Variants in PTH2R observed in about 807,000 individuals in gnomAD.
PTH2R encodes PTH2 receptor.
PTH2R carries 59 observed loss-of-function variants against 60.3 expected under a neutral mutation model. That is an observed-to-expected ratio of 0.98 (90% CI 0.79 to 1.22). The LOEUF is 1.22. Ranked by LOEUF, PTH2R falls within the 50% of genes most tolerant of loss-of-function variation. PTH2R has a pLI of 0.00. For synonymous variants in PTH2R, 256 were observed against 243.8 expected, an observed-to-expected ratio of 1.05 and a Z score of -0.47; for missense variants, 749 against 682.6, an observed-to-expected ratio of 1.10 and a Z score of -1.08.
intron 1 of PTH2R, among the ~76,000 whole-genome samples, chr2:208,394,917 C>T (rs146064431): frequency 5.4e-4 from 82 of 152,264 alleles, no homozygotes; most frequent in African/African-American, 1.9e-3. Context: ...AACGCAGGAA[C>T]TGAATGGCCA....
At chr2:208,404,845 C>A (rs539713028), upstream of PTH2R, among the ~76,000 whole-genome samples, 3 of 152,274 alleles carry the variant, frequency 2.0e-5, no homozygotes, top group Admixed American at 6.5e-5. Context: ...CAGGACTGAG[C>A]TTCAGAGGGC....
intron 1 of PTH2R, among the ~76,000 whole-genome samples, chr2:208,416,229 G>A (rs1342128771): frequency 6.6e-6 from 1 of 152,120 alleles, no homozygotes; most frequent in Non-Finnish European, 1.5e-5. Flanking sequence ...GCTAAGACGT[G>A]TTAAAAATGA....
chr2:208,360,521 G>T (rs1323828216), intron 1 of PTH2R: 1 of 157,444 alleles, frequency 6.4e-6, no homozygotes, highest in East Asian at 1.9e-4. Flanking sequence ...CGCTCCCGGG[G>T]CCCTGCCGCC....
At chr2:208,481,904 C>T (rs928605357) in intron 10 of PTH2R, among the ~76,000 whole-genome samples, 1 of 152,176 alleles carries the variant, frequency 6.6e-6, no homozygotes, top group Non-Finnish European at 1.5e-5. Flanking sequence ...TTCAGCCTTT[C>T]ATGAAGAAAA....
intron 7 of PTH2R, 64 bp downstream of exon 7, chr2:208,444,951 C>T: frequency 6.8e-7 from 1 of 1,479,564 alleles, no homozygotes; most frequent in Non-Finnish European, 9.2e-7. Context: ...TTCTGTCATG[C>T]CCATCATTAG....
upstream of PTH2R, among the ~76,000 whole-genome samples, chr2:208,402,954 G>C (rs900307073): frequency 6.6e-6 from 1 of 152,150 alleles, no homozygotes; most frequent in Admixed American, 6.5e-5. Flanking sequence ...ACTGGCTGCC[G>C]TGTGTCCTTC....
intron 9 of PTH2R, among the ~76,000 whole-genome samples, chr2:208,470,940 C>A (rs1056973149): frequency 1.3e-5 from 2 of 152,084 alleles, no homozygotes; most frequent in African/African-American, 2.4e-5. Flanking sequence ...AGGTGAGGAA[C>A]TTTTTGGGAA....
chr2:208,360,951 G>A (rs1700460550), intron 1 of PTH2R: 1 of 223,816 alleles, frequency 4.5e-6, no homozygotes, highest in African/African-American at 2.3e-5. Flanking sequence ...CCAGGAGCAC[G>A]TTGCTGGGAT....
chr2:208,448,836 T>C (rs1474671153), intron 7 of PTH2R, among the ~76,000 whole-genome samples: 2 of 151,952 alleles, frequency 1.3e-5, no homozygotes, highest in Non-Finnish European at 1.5e-5. Flanking sequence ...GATCCCAAAG[T>C]AGTTTTCTGT....
chr2:208,457,008 G>A (rs967065438), intron 8 of PTH2R, among the ~76,000 whole-genome samples: 1 of 152,130 alleles, frequency 6.6e-6, no homozygotes, highest in Admixed American at 6.5e-5. Flanking sequence ...AGCCTGAATT[G>A]TATAATTGAA....
intron 1 of PTH2R, among the ~76,000 whole-genome samples, chr2:208,384,907 A>G (rs1355972442): frequency 6.6e-6 from 1 of 152,192 alleles, no homozygotes; most frequent in Admixed American, 6.5e-5. Context: ...TCAACCACAT[A>G]TTACCAGACA....
At chr2:208,430,124 C>T (rs1701940036) in intron 2 of PTH2R, among the ~76,000 whole-genome samples, 1 of 151,956 alleles carries the variant, frequency 6.6e-6, no homozygotes, top group South Asian at 2.1e-4. Context: ...AGTGGTTATC[C>T]TAGAAATTTT....
At chr2:208,418,363 A>AT (rs61195514) in intron 1 of PTH2R, among the ~76,000 whole-genome samples, 11,786 of 148,488 alleles carry the variant, frequency 0.079, 492 homozygotes, top group African/African-American at 0.084. Context: ...TTTGCACTCA[A>AT]TTTTTTTTTT....
rs1199748853 is a variant in PTH2R, at chr2:208,408,929, G to A, written c.75+1811G>A. ...ATATATAATAATTCTTTGTTTTGTT[G>A]GGGGTGGGTGTGTTGTCCTGTATAT... On this transcript the variant is annotated intron_variant, in intron 1 of 12. Transcript: ENST00000272847. Among the ~76,000 whole-genome samples, 5 of 152,060 alleles carry A rather than the reference G, an allele frequency of 3.3e-5. No individual in the cohort carries two copies. The South Asian group carries it at 1.0e-3, about 32-fold the overall frequency.
intron 7 of PTH2R, among the ~76,000 whole-genome samples, chr2:208,447,222 T>C (rs1702303918): frequency 6.6e-6 from 1 of 152,152 alleles, no homozygotes; most frequent in Non-Finnish European, 1.5e-5. Flanking sequence ...TCCTCCTGCC[T>C]CGGCCTCTCA....
chr2:208,487,356 A>G (rs1306689782), intron 10 of PTH2R, among the ~76,000 whole-genome samples: 1 of 152,196 alleles, frequency 6.6e-6, no homozygotes, highest in South Asian at 2.1e-4. Flanking sequence ...AAAAACAGAT[A>G]AATAAAGCAG....
intron 9 of PTH2R, among the ~76,000 whole-genome samples, chr2:208,480,128 G>A (rs549176761): frequency 2.0e-5 from 3 of 152,104 alleles, no homozygotes; most frequent in Non-Finnish European, 2.9e-5. Context: ...GCTGAATTTG[G>A]GACTGAGGTG....
chr2:208,443,483 G>A lies in PTH2R; in HGVS notation c.645G>A (p.Met215Ile), dbSNP rs1702228978. 6.2e-7 allele frequency: 1 copy of A among 1,612,904 alleles called. No homozygotes were observed. The highest frequency in any genetic ancestry group is 1.3e-5 in the African/African-American group (1 of 74,872). Residue 215 changes from methionine (M) to isoleucine (I), a missense_variant, in exon 6 of 13, where the codon ATG (methionine) becomes ATA (isoleucine). Met to Ile is a conservative substitution (Grantham distance 10). Transcript: ENST00000272847. Reference protein sequence around the residue: ...IGVKELESLIMQDDPQNSIEA... With the variant: ...IGVKELESLIIQDDPQNSIEA... ...TAAAGGAGCTGGAGTCCCTAATAAT[G>A]CAGGATGACCCACAAAATTCCATTG...
At chr2:208,416,843 TG>T (rs1415439657) in intron 1 of PTH2R, among the ~76,000 whole-genome samples, 2 of 152,204 alleles carry the variant, frequency 1.3e-5, no homozygotes, top group Admixed American at 1.3e-4. Flanking sequence ...TTCCTGCCCT[TG>T]AACACTGGAC....
Sources: gnomAD v4.1 joint callset for allele counts (sites outside exome capture counted in the v4.1 genomes callset) on GRCh38, gnomAD v4.1.1 for gene constraint, MANE v1.5 for transcripts, NCBI Gene and HGNC (gene_info 2026-07-23, HGNC 2026-07-21) for gene names.